Variants in ARHGAP32 observed in about 807,000 individuals in gnomAD.
ARHGAP32 encodes the protein Rho GTPase activating protein 32, also known as rho GTPase-activating protein 32.
In ARHGAP32, 51 loss-of-function variants were observed where a neutral mutation model predicts 186.5. The observed-to-expected ratio is 0.27, with a 90% confidence interval of 0.22 to 0.35. ARHGAP32 has a LOEUF of 0.35. ARHGAP32 is among the 10% of genes least tolerant of loss of function. The pLI, the probability that ARHGAP32 is intolerant of heterozygous loss-of-function variation, is 1.00. For missense variants in ARHGAP32, 2,186 were observed against 2,623.5 expected (o/e 0.83, Z 3.64); for synonymous variants, 950 against 964.3 (o/e 0.99, Z 0.27).
At chr11:129,212,272 A>G (rs35179303) in intron 1 of ARHGAP32, among the ~76,000 whole-genome samples, 17 of 152,348 alleles carry the variant, frequency 1.1e-4, no homozygotes, top group Non-Finnish European at 2.4e-4. Context: ...TATATGATTA[A>G]TAAGAGGCTT....
intron 6 of ARHGAP32, among the ~76,000 whole-genome samples, chr11:129,073,241 TA>T (rs1940927132): frequency 6.6e-6 from 1 of 152,104 alleles, no homozygotes. Flanking sequence ...AAACACCGTT[TA>T]AAAAGACTGA....
chr11:129,196,646 G>A (rs1163862343), upstream of ARHGAP32, among the ~76,000 whole-genome samples: 6 of 152,060 alleles, frequency 3.9e-5, no homozygotes, highest in Admixed American at 6.6e-5. Context: ...CAAACATAAC[G>A]AATTATATAA....
chr11:129,243,635 C>A (rs1203061090), intron 1 of ARHGAP32, among the ~76,000 whole-genome samples: 1 of 152,200 alleles, frequency 6.6e-6, no homozygotes, highest in Non-Finnish European at 1.5e-5. Context: ...CTCAGCTTGG[C>A]ATTCAACCAT....
intron 15 of ARHGAP32, among the ~76,000 whole-genome samples, chr11:128,983,176 G>A (rs899304600): frequency 1.3e-5 from 2 of 152,140 alleles, no homozygotes; most frequent in African/African-American, 4.8e-5. Context: ...CAAGGTTGCT[G>A]GGGTTCCACA....
chr11:129,115,063 T>C (rs1942327931), intron 5 of ARHGAP32, among the ~76,000 whole-genome samples: 1 of 152,126 alleles, frequency 6.6e-6, no homozygotes, highest in Non-Finnish European at 1.5e-5. Flanking sequence ...AGTTCTATAA[T>C]GGCTGCAATT....
chr11:129,217,656 A>G (rs1944663286), intron 1 of ARHGAP32, among the ~76,000 whole-genome samples: 1 of 152,190 alleles, frequency 6.6e-6, no homozygotes, highest in South Asian at 2.1e-4. Flanking sequence ...TAAAAAGCTC[A>G]GTACTGTCTA....
rs1393718235 is a variant in ARHGAP32 at position 128,970,033 on chromosome 11, G to C, written c.5180C>G (p.Ala1727Gly). 1.2e-6 allele frequency: 2 copies of C among 1,614,198 alleles called. No homozygotes were observed. Among genetic ancestry groups the C allele is most frequent in the Non-Finnish European group, 8.5e-7 (1 of 1,180,040 alleles). ...SYAGLAPRPR[A>G]NVTGYFSPND... ...GGGAGAGAAATAGCCAGTCACGTTG[G>C]CCCGGGGACGTGGAGCCAAACCAGC... is the stretch of plus-strand genomic sequence containing the variant. The change falls in exon 23 of 23, where the codon GCC (alanine) becomes GGC (glycine). Residue 1727 changes from alanine to glycine, a missense_variant. By Grantham distance (60) the Ala-to-Gly change is moderately conservative. This residue lies in a region of ARHGAP32 where 1,502 missense variants were observed against 1,570.0 expected (regional missense o/e 0.96). Transcript: ENST00000682385. This position sits in a 1 kb window ranked among gnomAD's most constrained non-coding sequence, Gnocchi z 5.8.
Position 129,001,443 on chromosome 11 carries a change from T to C in ARHGAP32, c.1046-2975A>G, listed in dbSNP as rs118157023. Among the ~76,000 whole-genome samples the C allele has an allele frequency of 8.1e-3, 1,227 of 152,362 alleles. 8 individuals are homozygous for C. Among genetic ancestry groups the C allele is most frequent in the South Asian group, 0.033 (161 of 4,828 alleles). ...TTAAGAAATGGCTATTTGGATCTTTTGCCCATTTGTTAATCAAATTATTAT... is the reference window on the plus strand; with the variant it reads ...TTAAGAAATGGCTATTTGGATCTTTCGCCCATTTGTTAATCAAATTATTAT... On this transcript the variant is annotated intron_variant, in intron 11 of 22. Coordinates refer to ENST00000682385, the MANE Select transcript of ARHGAP32 (RefSeq NM_001378024.1).
At chr11:129,008,889 T>C (rs1937927799) in intron 11 of ARHGAP32, among the ~76,000 whole-genome samples, 1 of 152,204 alleles carries the variant, frequency 6.6e-6, no homozygotes, top group African/African-American at 2.4e-5. Flanking sequence ...TATCACTATA[T>C]TAAAAGTTAC....
intron 6 of ARHGAP32, 102 bp downstream of exon 6, chr11:129,093,519 G>A: frequency 1.3e-6 from 1 of 779,698 alleles, no homozygotes; most frequent in Non-Finnish European, 2.2e-6. Context: ...TTTTTCTGTG[G>A]ATTATATCCT....
intron 5 of ARHGAP32, among the ~76,000 whole-genome samples, chr11:129,096,732 T>C (rs1305913147): frequency 1.3e-5 from 2 of 152,188 alleles, no homozygotes; most frequent in Non-Finnish European, 2.9e-5. Context: ...AGCTCCACTG[T>C]TTGCAGGCCC....
intron 1 of ARHGAP32, among the ~76,000 whole-genome samples, chr11:129,277,727 G>C (rs1324320398): frequency 6.6e-6 from 1 of 152,110 alleles, no homozygotes; most frequent in Non-Finnish European, 1.5e-5. Context: ...CCAATTCCAA[G>C]AATGACTCAG....
At chr11:129,277,074 T>C (rs970559557) in intron 1 of ARHGAP32, among the ~76,000 whole-genome samples, 1 of 152,234 alleles carries the variant, frequency 6.6e-6, no homozygotes, top group Non-Finnish European at 1.5e-5. Flanking sequence ...CACAGCCTTA[T>C]GAAGAAAACA....
Position 129,157,484 on chromosome 11 carries a change from T to C in ARHGAP32, c.225+6835A>G, listed in dbSNP as rs1354156060. Among the ~76,000 whole-genome samples the C allele has an allele frequency of 4.0e-5, 6 of 151,804 alleles. No homozygotes were observed. In the East Asian group the frequency reaches 5.8e-4, roughly 15 times the overall value. ...CAAGCAGAAGAAAAGATACCAGAGATTGAAGATCAACATAATGAAATAAAG... is the reference window on the plus strand; with the variant it reads ...CAAGCAGAAGAAAAGATACCAGAGACTGAAGATCAACATAATGAAATAAAG... On this transcript the variant is annotated intron_variant, in intron 2 of 22. Coordinates refer to ENST00000682385, the MANE Select transcript of ARHGAP32 (RefSeq NM_001378024.1).
intron 1 of ARHGAP32, among the ~76,000 whole-genome samples, chr11:129,165,577 G>A (rs554189041): frequency 6.8e-6 from 1 of 147,568 alleles, no homozygotes; most frequent in Non-Finnish European, 1.5e-5. Flanking sequence ...TAAATATTAT[G>A]AGGCATGCTT....
At chr11:129,034,812 T>A (rs1591551139) in intron 11 of ARHGAP32, among the ~76,000 whole-genome samples, 2 of 134,772 alleles carry the variant, frequency 1.5e-5, no homozygotes, top group Non-Finnish European at 1.6e-5. Context: ...AGAGCGAAAC[T>A]GTCTCAAAAA....
chr11:129,173,361 C>T (rs942812115), intron 1 of ARHGAP32, among the ~76,000 whole-genome samples: 11 of 151,370 alleles, frequency 7.3e-5, no homozygotes, highest in African/African-American at 1.2e-4. Flanking sequence ...CAGGACCAGA[C>T]GGATTCACAG....
chr11:129,266,712 ATC>A (rs1228950368), intron 1 of ARHGAP32, among the ~76,000 whole-genome samples: 1 of 152,178 alleles, frequency 6.6e-6, no homozygotes, highest in African/African-American at 2.4e-5. Context: ...AATGGCACCC[ATC>A]CTGGGCCTCA....
Position 128,974,906 on chromosome 11 carries a change from G to C in ARHGAP32, c.2291C>G (p.Ser764Cys). The C allele has an allele frequency of 6.2e-7, 1 of 1,614,150 alleles. No homozygotes were observed. The highest frequency in any genetic ancestry group is 8.5e-7 in the Non-Finnish European group (1 of 1,180,032). ...NGEMLGNRCN[S>C]YDNLPHDNES... ...ATTGTCATGAGGCAGATTATCATAG[G>C]AGTTACAGCGGTTCCCCAGCATTTC... The change falls in exon 21 of 23, where the codon TCC becomes TGC. Residue 764 changes from serine to cysteine, a missense_variant. Coordinates refer to ENST00000682385, the MANE Select transcript of ARHGAP32 (RefSeq NM_001378024.1).
Sources: allele counts gnomAD v4.1 joint callset (sites outside exome capture counted in the v4.1 genomes callset), GRCh38; gene constraint gnomAD v4.1.1; regional missense constraint gnomAD v4.1.1; non-coding constraint Gnocchi (gnomAD v3.1); transcripts MANE v1.5; gene names NCBI Gene and HGNC (gene_info 2026-07-23, HGNC 2026-07-21).